Variants in PARN observed in about 807,000 individuals in gnomAD.
The protein encoded by PARN is poly(A)-specific ribonuclease.
PARN carries 71 observed loss-of-function variants against 102.8 expected under a neutral mutation model. The observed-to-expected ratio is 0.69, with a 90% CI of 0.57 to 0.84. The LOEUF (loss-of-function observed/expected upper bound fraction) is 0.84. PARN is among the 40% of genes least tolerant of loss of function. The pLI, the probability that PARN is intolerant of heterozygous loss-of-function variation, is 0.00. For missense variants in PARN, 782 were observed against 760.9 expected, an observed-to-expected ratio of 1.03 and a Z score of -0.33; for synonymous variants, 261 against 252.9, an observed-to-expected ratio of 1.03 and a Z score of -0.30.
In PARN at chr16:14,618,519, G is replaced by A. The variant is rs530709368; in HGVS notation, c.328-869C>T. On this transcript the variant is annotated intron_variant, in intron 5 of 23. Coordinates refer to ENST00000437198, the MANE Select transcript of PARN (RefSeq NM_002582.4). ...AAAAAAAAAAAAAAAAAATTAGCCA[G>A]GTGTGGTGGTGTGTACCTGCAATCC... is the stretch of plus-strand genomic sequence containing the variant. Among the ~76,000 whole-genome samples the A allele has an allele frequency of 5.4e-4, 81 of 151,210 alleles. 2 individuals are homozygous for A. Among genetic ancestry groups the A allele is most frequent in the African/African-American group, 1.9e-3 (78 of 41,186 alleles).
At chr16:14,495,323 T>TA (rs893344019) in intron 21 of PARN, among the ~76,000 whole-genome samples, 35 of 146,906 alleles carry the variant, frequency 2.4e-4, no homozygotes, top group East Asian at 1.2e-3. Context: ...CAATGTCCAC[T>TA]AAAAAAAAAA....
chr16:14,556,233 A>G (rs1356425454), intron 18 of PARN, among the ~76,000 whole-genome samples: 4 of 151,912 alleles, frequency 2.6e-5, no homozygotes, highest in Non-Finnish European at 5.9e-5. Context: ...ATCTCGGCTC[A>G]CTGCAACCTC....
intron 18 of PARN, among the ~76,000 whole-genome samples, chr16:14,569,866 T>C (rs1017637413): frequency 2.6e-5 from 4 of 152,128 alleles, no homozygotes; most frequent in African/African-American, 4.8e-5. Context: ...TTGTATAATA[T>C]TGTGAATGTA....
chr16:14,468,871 A>G (rs1962529879), intron 22 of PARN, among the ~76,000 whole-genome samples: 1 of 145,402 alleles, frequency 6.9e-6, no homozygotes, highest in African/African-American at 2.6e-5. Context: ...GCAAGATCCC[A>G]TTACTAAATA....
chr16:14,576,215 G>C (rs557522162), intron 18 of PARN: 5 of 152,158 alleles, frequency 3.3e-5, no homozygotes, highest in African/African-American at 1.2e-4. Flanking sequence ...TTGTCTCATC[G>C]GTAGCTCAGA....
chr16:14,619,302 T>A (rs1313235372), intron 5 of PARN, among the ~76,000 whole-genome samples: 2 of 151,916 alleles, frequency 1.3e-5, no homozygotes, highest in Non-Finnish European at 2.9e-5. Context: ...CAGATTTAAA[T>A]AAAAACATTA....
intron 21 of PARN, 34 bp from the exon 22 acceptor site, chr16:14,482,861 C>T: frequency 1.3e-6 from 2 of 1,532,948 alleles, no homozygotes; most frequent in Non-Finnish European, 1.8e-6. Context: ...AAAATGCTTA[C>T]AAAAGTCTGG....
chr16:14,540,800 A>G (rs1047234796), intron 21 of PARN, among the ~76,000 whole-genome samples: 2 of 152,106 alleles, frequency 1.3e-5, no homozygotes, highest in Admixed American at 1.3e-4. Flanking sequence ...TGAAATAAAA[A>G]ATTAGCTGGG....
intron 5 of PARN, among the ~76,000 whole-genome samples, chr16:14,625,303 G>C (rs1422010518): frequency 6.6e-6 from 1 of 152,082 alleles, no homozygotes; most frequent in Non-Finnish European, 1.5e-5. Context: ...TTCGAGACCA[G>C]CCTGATCAAC....
intron 2 of PARN, among the ~76,000 whole-genome samples, chr16:14,628,854 G>T (rs200716500): frequency 6.6e-6 from 1 of 152,066 alleles, no homozygotes; most frequent in East Asian, 1.9e-4. Flanking sequence ...CGTTCATATT[G>T]ACATCAGCAA....
At chr16:14,627,229 C>G in intron 4 of PARN, 40 bp downstream of exon 4, 1 of 1,575,490 alleles carries the variant, frequency 6.3e-7, no homozygotes, top group Non-Finnish European at 8.7e-7. Flanking sequence ...GACATTGTGC[C>G]ACAAAAACGG....
chr16:14,606,330 C>G (rs1423837924), intron 10 of PARN, among the ~76,000 whole-genome samples, 154 bp downstream of exon 10: 1 of 148,836 alleles, frequency 6.7e-6, no homozygotes, highest in Non-Finnish European at 1.5e-5. Flanking sequence ...CCCAGGAAGT[C>G]AAGGCTGCAG....
intron 18 of PARN, among the ~76,000 whole-genome samples, chr16:14,568,669 G>A (rs2151730416): frequency 6.6e-6 from 1 of 152,074 alleles, no homozygotes. Flanking sequence ...CAGCACTTTG[G>A]GAGGCTGAGG....
At chr16:14,483,448 A>G (rs760389119) in intron 21 of PARN, among the ~76,000 whole-genome samples, 9 of 152,218 alleles carry the variant, frequency 5.9e-5, no homozygotes, top group Admixed American at 2.6e-4. Flanking sequence ...CAGGGATAAG[A>G]TGCAAAACCA....
intron 22 of PARN, among the ~76,000 whole-genome samples, chr16:14,457,223 T>A (rs1354405555): frequency 6.6e-6 from 1 of 152,162 alleles, no homozygotes; most frequent in East Asian, 1.9e-4. Flanking sequence ...GAAAGCACAT[T>A]CCCTACTAGA....
chr16:14,572,695 T>C (rs1449867671), intron 18 of PARN, among the ~76,000 whole-genome samples: 1 of 152,170 alleles, frequency 6.6e-6, no homozygotes, highest in East Asian at 1.9e-4. Flanking sequence ...ACAATCATCA[T>C]CTGATTTTTC....
chr16:14,586,579 T>G (rs1969871713), intron 13 of PARN, among the ~76,000 whole-genome samples: 1 of 152,298 alleles, frequency 6.6e-6, no homozygotes, highest in Middle Eastern at 3.4e-3. Context: ...GATAACTAAC[T>G]TCTGCATAAC....
intron 18 of PARN, among the ~76,000 whole-genome samples, chr16:14,570,475 C>T (rs1315593023): frequency 6.6e-6 from 1 of 150,782 alleles, no homozygotes; most frequent in Admixed American, 6.6e-5. Context: ...CACAGTGAAA[C>T]CCTGTCTCTA....
At chr16:14,569,803 T>C (rs1968675719) in intron 18 of PARN, among the ~76,000 whole-genome samples, 1 of 152,174 alleles carries the variant, frequency 6.6e-6, no homozygotes, top group South Asian at 2.1e-4. Context: ...GGCTTGCTGG[T>C]TACAGAGTTT....
Sources: gnomAD v4.1 joint callset for allele counts (sites outside exome capture counted in the v4.1 genomes callset) on GRCh38, gnomAD v4.1.1 for gene constraint, MANE v1.5 for transcripts, NCBI Gene and HGNC (gene_info 2026-07-23, HGNC 2026-07-21) for gene names.